Variants in EZR observed in about 807,000 individuals in gnomAD.
EZR encodes the protein cytovillin 2.
Under a neutral mutation model 74.8 loss-of-function variants are expected in EZR, and 40 were observed. The ratio of observed to expected loss-of-function variants is 0.53; its 90% CI spans 0.42 to 0.70. The LOEUF is 0.70. Ranked by LOEUF, EZR falls within the 30% of genes least tolerant of loss-of-function variation. The pLI, the probability that EZR is intolerant of heterozygous loss-of-function variation, is 0.00. For missense variants in EZR, 678 were observed against 755.8 expected, an observed-to-expected ratio of 0.90 and a Z score of 1.21; for synonymous variants, 341 against 283.3, an observed-to-expected ratio of 1.20 and a Z score of -2.05.
At chr6:158,784,795 T>C in intron 5 of EZR, 68 bp from the exon 6 acceptor site, 1 of 1,305,538 alleles carries the variant, frequency 7.7e-7, no homozygotes, top group South Asian at 1.2e-5. Flanking sequence ...GAGGCCCACT[T>C]ACCACCCACA....
intron 2 of EZR, among the ~76,000 whole-genome samples, chr6:158,817,066 CAG>C (rs750590080): frequency 2.0e-5 from 3 of 152,250 alleles, no homozygotes; most frequent in Admixed American, 6.5e-5. Flanking sequence ...GCCTGGGCCA[CAG>C]AGAGAGACTC....
intron 10 of EZR, 90 bp from the exon 11 acceptor site, chr6:158,770,034 G>GCC (rs2128565107): frequency 6.5e-7 from 1 of 1,531,340 alleles, no homozygotes; most frequent in Admixed American, 1.9e-5. Flanking sequence ...AAGCCACAGA[G>GCC]CCCTAGACCA....
chr6:158,771,221 C>CG lies in EZR; in HGVS notation c.959+22_959+23insC, dbSNP rs551201166. The CG allele has an allele frequency of 9.9e-5, 158 of 1,589,706 alleles. No individual in the cohort carries two copies. In the African/African-American group the frequency reaches 1.8e-3, roughly 18 times the overall value. On this transcript the variant is annotated intron_variant, in intron 9 of 13. Transcript: ENST00000367075. ...TGAGTTGGGAGAACACAGGCCCCCCCCACTCTGGCCTCACGCGCTCACCGC... is the reference window on the plus strand; with the variant it reads ...TGAGTTGGGAGAACACAGGCCCCCCCGCACTCTGGCCTCACGCGCTCACCGC...
chr6:158,777,022 C>T (rs1037773719), intron 7 of EZR, among the ~76,000 whole-genome samples: 3 of 152,210 alleles, frequency 2.0e-5, no homozygotes, highest in Admixed American at 6.5e-5. Context: ...CCAAACTCCA[C>T]GGTTCAGACC....
At position 158,771,463 on chromosome 6, in the gene EZR, C is replaced by T. The variant is rs1791106861; in HGVS notation, c.796-56G>A. ...AAGCTCCTTCGTTTGGTTTTCTTCT[C>T]CAAACCATCCTTCACAAAGGTCCAG... On this transcript the variant is annotated intron_variant, in intron 8 of 13. Transcript: ENST00000367075. The T allele has an allele frequency of 2.4e-5, 36 of 1,517,458 alleles. No individual in the cohort carries two copies. In the South Asian group the frequency reaches 4.3e-4, roughly 18 times the overall value. The allele number at this position is 1,517,458 out of a possible 1,614,324, so 94.0% of individuals were successfully genotyped here.
intron 3 of EZR, among the ~76,000 whole-genome samples, chr6:158,788,953 G>C (rs1435252298): frequency 6.6e-6 from 1 of 152,136 alleles, no homozygotes; most frequent in Non-Finnish European, 1.5e-5. Flanking sequence ...TACAGGGTGA[G>C]AGACACACAG....
At chr6:158,814,256 C>T (rs1333553920) in intron 2 of EZR, among the ~76,000 whole-genome samples, 1 of 152,172 alleles carries the variant, frequency 6.6e-6, no homozygotes, top group African/African-American at 2.4e-5. Context: ...CACAGCTGTT[C>T]CTCCCTGTGG....
chr6:158,787,081 GC>G, intron 4 of EZR, 26 bp downstream of exon 4: 3 of 1,576,284 alleles, frequency 1.9e-6, no homozygotes, highest in Non-Finnish European at 2.6e-6. Context: ...CCAATCCACA[GC>G]CTGTAAATAG....
intron 2 of EZR, among the ~76,000 whole-genome samples, chr6:158,806,896 A>G (rs975540666): frequency 2.6e-5 from 4 of 152,242 alleles, no homozygotes; most frequent in Non-Finnish European, 4.4e-5. Context: ...AGGCAATGAA[A>G]CACACCTTAA....
At chr6:158,816,533 C>T (rs890001236) in intron 2 of EZR, among the ~76,000 whole-genome samples, 9 of 152,194 alleles carry the variant, frequency 5.9e-5, no homozygotes, top group Non-Finnish European at 1.3e-4. Context: ...GCACTCAGCT[C>T]TGCCTGAGTA....
chr6:158,784,769 G>A (rs769373501), intron 5 of EZR, 42 bp from the exon 6 acceptor site: 1 of 1,577,168 alleles, frequency 6.3e-7, no homozygotes, highest in South Asian at 1.1e-5. Flanking sequence ...CTTAAGGAAT[G>A]TGACAGGCAA....
At position 158,766,815 on chromosome 6, in the gene EZR, T is replaced by A; in HGVS notation, c.*99A>T. The A allele has an allele frequency of 1.7e-6, 2 of 1,185,246 alleles. No homozygotes were observed. Among genetic ancestry groups the A allele is most frequent in the South Asian group, 2.9e-5 (2 of 70,094 alleles). 73.4% of individuals were successfully genotyped at this position (1,185,246 alleles called of 1,614,324 possible). On this transcript the variant is annotated 3_prime_UTR_variant, in exon 14 of 14. Coordinates refer to ENST00000367075, the MANE Select transcript of EZR (RefSeq NM_001111077.2). The stretch of plus-strand genomic sequence containing the variant: ...ACTGCTTTCTAAAGGAACTGGGATC[T>A]GAGGGAGTTCCTAGACTTGGAGCAC...
chr6:158,798,755 C>T (rs1312593280), intron 2 of EZR, among the ~76,000 whole-genome samples: 4 of 151,748 alleles, frequency 2.6e-5, no homozygotes, highest in Non-Finnish European at 5.9e-5. Flanking sequence ...CCTTAGCCTC[C>T]TTAGCTGGGA....
chr6:158,780,126 T>C (rs1196103212), intron 7 of EZR, among the ~76,000 whole-genome samples: 1 of 147,966 alleles, frequency 6.8e-6, no homozygotes, highest in Non-Finnish European at 1.5e-5. Context: ...GAGGTTACAG[T>C]GAGCTGAGAA....
Position 158,771,926 on chromosome 6 carries a change from T to TC in EZR, c.796-520dup, listed in dbSNP as rs377291423. On this transcript the variant is annotated intron_variant, in intron 8 of 13. Transcript: ENST00000367075. Reference sequence around the variant, plus strand: ...CTGTCTCCTCTGCCACAGCCTCCCCTCCCACACTGTTATTGCTACACTGAC... The same window carrying TC: ...CTGTCTCCTCTGCCACAGCCTCCCCTCCCCACACTGTTATTGCTACACTGAC... Among the ~76,000 whole-genome samples, 650 of 152,114 alleles carry TC rather than the reference T, an allele frequency of 4.3e-3. 6 individuals are homozygous for TC. The highest frequency in any genetic ancestry group is 0.015 in the African/African-American group (623 of 41,470).
At chr6:158,769,990 A>T (rs2128565048) in intron 10 of EZR, 46 bp from the exon 11 acceptor site, 1 of 1,593,390 alleles carries the variant, frequency 6.3e-7, no homozygotes, top group Non-Finnish European at 8.5e-7. Context: ...CAGCCCAGGG[A>T]CCTAGGAGCC....
At chr6:158,773,096 A>T (rs1791168481) in intron 8 of EZR, among the ~76,000 whole-genome samples, 1 of 152,170 alleles carries the variant, frequency 6.6e-6, no homozygotes, top group Non-Finnish European at 1.5e-5. Flanking sequence ...CACAAGAGGA[A>T]ACAATCCTGC....
chr6:158,776,644 T>G (rs1791287976), intron 7 of EZR, 140 bp from the exon 8 acceptor site: 1 of 636,846 alleles, frequency 1.6e-6, no homozygotes, highest in African/African-American at 1.9e-5. Context: ...TGTTATATGC[T>G]ATTATCAAAT....
rs776538879 is a variant in EZR, at chr6:158,785,431, G to C, written c.345C>G (p.Ile115Met). The C allele has an allele frequency of 1.7e-5, 27 of 1,614,226 alleles. No individual in the cohort carries two copies. The highest frequency in any genetic ancestry group is 2.2e-5 in the Non-Finnish European group (26 of 1,180,042). Residue 115 changes from isoleucine to methionine, a missense_variant, in exon 5 of 14, where the codon ATC becomes ATG. Ile to Met is a conservative substitution (Grantham distance 10, BLOSUM62 1). This residue lies in a region of EZR where 217 missense variants were observed against 232.2 expected (regional missense o/e 0.93). Coordinates refer to ENST00000367075, the MANE Select transcript of EZR (RefSeq NM_001111077.2). ...QVKEGILSDE[I>M]YCPPETAVLL... is the part of the protein sequence containing the mutation. Reference sequence around the variant, plus strand: ...GCACGGCAGTCTCAGGGGGGCAGTAGATCTCATCGCTAAGGATTCCTTCCT... The same window carrying C: ...GCACGGCAGTCTCAGGGGGGCAGTACATCTCATCGCTAAGGATTCCTTCCT...
Sources: allele counts gnomAD v4.1 joint callset (sites outside exome capture counted in the v4.1 genomes callset), GRCh38; gene constraint gnomAD v4.1.1; regional missense constraint gnomAD v4.1.1; transcripts MANE v1.5; gene names NCBI Gene and HGNC (gene_info 2026-07-23, HGNC 2026-07-21).